STAT5B: variants seen among roughly 807,000 people sequenced by gnomAD.
STAT5B encodes the protein signal transducer and activator of transcription 5B, also known as transcription factor STAT5B.
STAT5B carries 21 observed loss-of-function variants against 107.8 expected under a neutral mutation model. The ratio of observed to expected loss-of-function variants is 0.19; its 90% confidence interval spans 0.14 to 0.28. The LOEUF (loss-of-function observed/expected upper bound fraction) is 0.28. STAT5B is among the 10% of genes least tolerant of loss of function. STAT5B has a pLI of 1.00. For synonymous variants in STAT5B, 325 were observed against 401.7 expected (o/e 0.81, Z 2.28); for missense variants, 565 against 1,008.2 (o/e 0.56, Z 5.95).
At chr17:42,275,446 T>C (rs1477462430) in intron 1 of STAT5B, 1 of 152,250 alleles carries the variant, frequency 6.6e-6, no homozygotes, top group Non-Finnish European at 1.5e-5. Context: ...TGGCTACAAG[T>C]GTTTGCAACC....
In STAT5B at chr17:42,210,474, G is replaced by A. The variant is rs1598297430; in HGVS notation, c.1704C>T (p.Tyr568=). The change falls in exon 14 of 19, where the codon TAC becomes TAT. Residue 568 remains tyrosine, a synonymous_variant. Transcript: ENST00000293328. ...FNRENLPGRN[Y]TFWQWFDGVM... The stretch of plus-strand genomic sequence containing the variant: ...CACCGTCAAACCATTGCCAGAAAGT[G>A]TAATTCCGTCCTGGTAAATTCTCCT... 1.2e-6 allele frequency: 2 copies of A among 1,614,182 alleles called. No homozygotes were observed. Among genetic ancestry groups the A allele is most frequent in the South Asian group, 1.1e-5 (1 of 91,086 alleles).
chr17:42,271,160 C>T (rs2080719586), intron 1 of STAT5B: 1 of 152,226 alleles, frequency 6.6e-6, no homozygotes, highest in Non-Finnish European at 1.5e-5. Context: ...ATTTTTAATA[C>T]AAATCATGGA....
At chr17:42,223,177 T>C (rs956473553) in intron 5 of STAT5B, among the ~76,000 whole-genome samples, 1 of 151,958 alleles carries the variant, frequency 6.6e-6, no homozygotes, top group Non-Finnish European at 1.5e-5. Context: ...GAGTGAGATA[T>C]GCACTTAAGC....
chr17:42,203,151 G>A lies in STAT5B; in HGVS notation c.2078-343C>T, dbSNP rs191610984. Among the ~76,000 whole-genome samples, 29 of 152,154 alleles carry A rather than the reference G, an allele frequency of 1.9e-4. 1 individual carries two copies. The East Asian group carries it at 5.2e-3, about 27-fold the overall frequency. On this transcript the variant is annotated intron_variant, in intron 16 of 18. Coordinates refer to ENST00000293328, the MANE Select transcript of STAT5B (RefSeq NM_012448.4). ...AGATGGGGTTTCACCATGTCACCCA[G>A]GCTGTTTTCTAACTCCTGACCTCAA...
At chr17:42,269,513 T>A (rs945703052) in intron 1 of STAT5B, 2 of 152,218 alleles carry the variant, frequency 1.3e-5, no homozygotes, top group African/African-American at 4.8e-5. Flanking sequence ...AATTGTAGGA[T>A]CTCACTGACA....
At chr17:42,227,981 G>A (rs1354647391) in intron 2 of STAT5B, among the ~76,000 whole-genome samples, 8 of 151,950 alleles carry the variant, frequency 5.3e-5, no homozygotes, top group Admixed American at 3.3e-4. Flanking sequence ...TATTTGCTCC[G>A]AGAAATGCAA....
At chr17:42,250,281 T>G (rs1483357428) in intron 1 of STAT5B, among the ~76,000 whole-genome samples, 3 of 152,142 alleles carry the variant, frequency 2.0e-5, no homozygotes, top group Non-Finnish European at 4.4e-5. Context: ...TGGGCTTTGA[T>G]GATGGAGAGT....
intron 1 of STAT5B, among the ~76,000 whole-genome samples, chr17:42,242,498 T>C (rs901580239): frequency 4.6e-5 from 7 of 152,118 alleles, no homozygotes; most frequent in Non-Finnish European, 1.0e-4. Context: ...TAAACTGACA[T>C]TATGTGCCTC....
At chr17:42,253,151 G>C (rs1340029952) in intron 1 of STAT5B, among the ~76,000 whole-genome samples, 3 of 151,378 alleles carry the variant, frequency 2.0e-5, no homozygotes, top group Non-Finnish European at 4.4e-5. Context: ...TTTCATCTCT[G>C]TGAGTTCTTC....
upstream of STAT5B, among the ~76,000 whole-genome samples, chr17:42,280,181 A>G (rs1372735622): frequency 1.3e-5 from 2 of 152,112 alleles, no homozygotes; most frequent in African/African-American, 4.8e-5. Context: ...TGACCCAAGA[A>G]GGTACCTGGA....
upstream of STAT5B, among the ~76,000 whole-genome samples, chr17:42,278,487 C>G (rs1004931973): frequency 6.6e-6 from 1 of 152,136 alleles, no homozygotes; most frequent in Non-Finnish European, 1.5e-5. Flanking sequence ...GGGAGGATCA[C>G]TTGAGCCTGG....
chr17:42,224,168 C>T (rs1012287564), intron 4 of STAT5B, among the ~76,000 whole-genome samples: 1 of 152,292 alleles, frequency 6.6e-6, no homozygotes, highest in South Asian at 2.1e-4. Context: ...TCCTTCCACA[C>T]CTGATTCAGG....
At chr17:42,222,316 G>T (rs2080237111) in intron 5 of STAT5B, among the ~76,000 whole-genome samples, 1 of 152,072 alleles carries the variant, frequency 6.6e-6, no homozygotes, top group Non-Finnish European at 1.5e-5. Context: ...ACTGCTACAG[G>T]GTCAAAAGGG....
chr17:42,201,524 GCACACACACA>G lies in STAT5B; in HGVS notation c.*204_*213del, dbSNP rs57573850. The G allele has an allele frequency of 3.4e-5, 21 of 617,304 alleles. No homozygotes were observed. Among genetic ancestry groups the G allele is most frequent in the Middle Eastern group, 4.2e-4 (1 of 2,402 alleles). The allele number at this position is 617,304 out of a possible 1,614,324, so 38.2% of individuals were successfully genotyped here. A position where few individuals can be genotyped will look rare whatever the true frequency, so the allele number is the denominator to read the frequency against. ...GAGAAACACCATAACGTGCAAACAC[GCACACACACA>G]CACACACACACACACACACAAACAC... On this transcript the variant is annotated 3_prime_UTR_variant, in exon 19 of 19. Transcript: ENST00000293328.
intron 1 of STAT5B, chr17:42,275,455 C>A (rs557967423): frequency 6.6e-6 from 1 of 152,220 alleles, no homozygotes; most frequent in East Asian, 1.9e-4. Flanking sequence ...GTGTTTGCAA[C>A]CGCCTCTTGC....
the STAT5B span, among the ~76,000 whole-genome samples, chr17:42,284,288 C>T: frequency 4.0e-5 from 6 of 149,882 alleles, no homozygotes; most frequent in East Asian, 1.9e-4. Context: ...CTTTTTGTGA[C>T]GGAGTTTCGC....
Position 42,223,058 on chromosome 17 carries a change from A to G in STAT5B, c.550+324T>C, listed in dbSNP as rs531472262. Among the ~76,000 whole-genome samples the G allele has an allele frequency of 1.1e-4, 16 of 152,240 alleles. 1 individual carries two copies. In the South Asian group the frequency reaches 3.1e-3, roughly 30 times the overall value. The stretch of plus-strand genomic sequence containing the variant: ...ATAAAGCTCCACTTATAATATGCCT[A>G]CTATATACAAAAGTATTGTTTGCTA... On this transcript the variant is annotated intron_variant, in intron 5 of 18. Coordinates refer to ENST00000293328, the MANE Select transcript of STAT5B (RefSeq NM_012448.4).
chr17:42,254,963 C>A (rs557210395), intron 1 of STAT5B, among the ~76,000 whole-genome samples: 1 of 151,944 alleles, frequency 6.6e-6, no homozygotes, highest in African/African-American at 2.4e-5. Context: ...TGGTGGCATG[C>A]GCCTGTAGTC....
rs773473797 is a variant in STAT5B at position 42,212,194 on chromosome 17, A to G, written c.1474-4T>C. The G allele has an allele frequency of 1.2e-6, 2 of 1,614,180 alleles. No homozygotes were observed. The highest frequency in any genetic ancestry group is 1.6e-4 in the Middle Eastern group (1 of 6,062). ...GCACGGCAAATGGCACCCTGCCCTG[A>G]GAGGGAGAGAGGCCAGAATCTGATG... On this transcript the variant is annotated splice_polypyrimidine_tract_variant and splice_region_variant and intron_variant, in intron 12 of 18. Coordinates refer to ENST00000293328, the MANE Select transcript of STAT5B (RefSeq NM_012448.4).
Sources: gnomAD v4.1 joint callset for allele counts (sites outside exome capture counted in the v4.1 genomes callset) on GRCh38, gnomAD v4.1.1 for gene constraint, MANE v1.5 for transcripts, NCBI Gene and HGNC (gene_info 2026-07-23, HGNC 2026-07-21) for gene names.